The following SCN10A variants were observed in gnomAD, a reference collection of about 807,000 sequenced individuals.
The protein encoded by SCN10A is sodium channel protein type 10 subunit alpha.
Under a neutral mutation model 170.7 loss-of-function variants are expected in SCN10A, and 162 were observed. The observed-to-expected ratio is 0.95, with a 90% confidence interval of 0.84 to 1.08. The LOEUF (loss-of-function observed/expected upper bound fraction) is 1.08. SCN10A is among the 50% of genes least tolerant of loss of function. SCN10A has a pLI of 0.00. For missense variants in SCN10A, 2,527 were observed against 2,436.9 expected (o/e 1.04, Z -0.78); for synonymous variants, 985 against 904.6 (o/e 1.09, Z -1.59).
At chr3:38,716,926 T>C (rs1346314405) in intron 21 of SCN10A, among the ~76,000 whole-genome samples, 13 of 151,752 alleles carry the variant, frequency 8.6e-5, no homozygotes, top group Admixed American at 7.9e-4. Flanking sequence ...AACAGATAAG[T>C]GGAAGAAAGG....
chr3:38,780,671 T>C (rs1163651538), intron 4 of SCN10A, among the ~76,000 whole-genome samples: 1 of 152,144 alleles, frequency 6.6e-6, no homozygotes, highest in Non-Finnish European at 1.5e-5. Flanking sequence ...TAATGACTTA[T>C]TACTTGCTGT....
intron 3 of SCN10A, among the ~76,000 whole-genome samples, chr3:38,790,798 A>G (rs887948790): frequency 6.6e-6 from 1 of 152,106 alleles, no homozygotes; most frequent in Non-Finnish European, 1.5e-5. Context: ...GGTAATCTCT[A>G]CTTCAGAGGC....
At chr3:38,723,194 A>C (rs1340850779) in intron 19 of SCN10A, among the ~76,000 whole-genome samples, 1 of 152,132 alleles carries the variant, frequency 6.6e-6, no homozygotes, top group African/African-American at 2.4e-5. Flanking sequence ...TTTGAGGGTA[A>C]AGAGGAAGGC....
chr3:38,740,900 G>A (rs1031790492), intron 14 of SCN10A, among the ~76,000 whole-genome samples: 1 of 152,042 alleles, frequency 6.6e-6, no homozygotes, highest in Admixed American at 6.6e-5. Context: ...ATTCCATAAG[G>A]CCCTCTGTGG....
At chr3:38,740,970 T>C (rs1448286596) in intron 14 of SCN10A, among the ~76,000 whole-genome samples, 1 of 152,108 alleles carries the variant, frequency 6.6e-6, no homozygotes, top group African/African-American at 2.4e-5. Flanking sequence ...CCTTTTCATA[T>C]CAACTTTAGG....
At chr3:38,746,767 C>G (rs2063695042) in intron 13 of SCN10A, among the ~76,000 whole-genome samples, 1 of 152,180 alleles carries the variant, frequency 6.6e-6, no homozygotes, top group Admixed American at 6.5e-5. Flanking sequence ...GCAAATCTTA[C>G]CATATTTCAC....
intron 26 of SCN10A, 49 bp from the exon 27 acceptor site, chr3:38,702,158 C>T (rs1341392403): frequency 4.0e-6 from 6 of 1,512,524 alleles, no homozygotes; most frequent in East Asian, 4.6e-5. Context: ...CCAGCACAAA[C>T]CAGGCATCTG....
chr3:38,793,798 T>C lies in SCN10A; in HGVS notation c.213A>G (p.Pro71=), dbSNP rs533136525. Residue 71 remains proline (P), a synonymous_variant, in exon 2 of 28, where the codon CCA becomes CCG. Transcript: ENST00000449082. The stretch of plus-strand genomic sequence containing the variant: ...CCAGGGGCTCCCCGATCAGTTCTGC[T>C]GGGAGCTCACCATAGAACTTGGGCA... ...NQLPKFYGEL[P]AELIGEPLED... 22 of 1,613,940 alleles carry C rather than the reference T, an allele frequency of 1.4e-5. No homozygotes were observed. The South Asian group carries it at 1.6e-4, about 12-fold the overall frequency.
chr3:38,698,283 G>T lies in SCN10A; in HGVS notation c.4937C>A (p.Thr1646Asn), dbSNP rs2063118515. The T allele has an allele frequency of 1.9e-6, 3 of 1,614,152 alleles. No individual in the cohort carries two copies. Among genetic ancestry groups the T allele is most frequent in the Non-Finnish European group, 2.5e-6 (3 of 1,180,034 alleles). ...AGIDDMFNFQ[T>N]FANSMLCLFQ... ...GAGGCACAGCATGCTGTTGGCGAAG[G>T]TCTGGAAGTTGAACATGTCGTCGAT... The change falls in exon 28 of 28, where the codon ACC becomes AAC. Residue 1646 changes from threonine (T) to asparagine (N), a missense_variant. Thr to Asn is a moderately conservative substitution (Grantham distance 65). Coordinates refer to ENST00000449082, the MANE Select transcript of SCN10A (RefSeq NM_006514.4).
chr3:38,725,810 A>G (rs2126000434), intron 17 of SCN10A, among the ~76,000 whole-genome samples: 1 of 152,380 alleles, frequency 6.6e-6, no homozygotes, highest in East Asian at 1.9e-4. Context: ...CACAGAGTTC[A>G]TGCTCTCTGC....
At chr3:38,715,119 A>G (rs530805325) in intron 21 of SCN10A, among the ~76,000 whole-genome samples, 19 of 152,336 alleles carry the variant, frequency 1.2e-4, no homozygotes, top group Admixed American at 9.8e-4. Flanking sequence ...AAGGCTCCAG[A>G]CATCAGCAGG....
intron 16 of SCN10A, 139 bp from the exon 17 acceptor site, chr3:38,727,191 G>T: frequency 1.4e-6 from 1 of 740,168 alleles, no homozygotes; most frequent in South Asian, 1.8e-5. Flanking sequence ...TCCCTTTTGG[G>T]GGAATGGACT....
At chr3:38,729,859 C>T (rs752793643) in intron 15 of SCN10A, among the ~76,000 whole-genome samples, 1 of 152,112 alleles carries the variant, frequency 6.6e-6, no homozygotes, top group Non-Finnish European at 1.5e-5. Context: ...CACCCATATC[C>T]GTGAGTAAAT....
chr3:38,729,039 C>G (rs1443469046), intron 15 of SCN10A, 138 bp from the exon 16 acceptor site: 3 of 1,001,230 alleles, frequency 3.0e-6, no homozygotes, highest in Non-Finnish European at 4.3e-6. Flanking sequence ...CTGGACACTG[C>G]TTTTGGAGAC....
At chr3:38,795,898 G>A (rs887210486) in intron 1 of SCN10A, among the ~76,000 whole-genome samples, 2 of 152,068 alleles carry the variant, frequency 1.3e-5, no homozygotes, top group East Asian at 3.8e-4. Flanking sequence ...AGATACCAGA[G>A]CAGCAAAGTT....
chr3:38,814,647 T>C (rs2064460877), intron 1 of SCN10A, among the ~76,000 whole-genome samples: 1 of 152,250 alleles, frequency 6.6e-6, no homozygotes, highest in Admixed American at 6.5e-5. Flanking sequence ...CTTGTAGGTA[T>C]GTGCTCTTTC....
At chr3:38,788,417 G>A (rs1209379068) in intron 4 of SCN10A, among the ~76,000 whole-genome samples, 1 of 152,072 alleles carries the variant, frequency 6.6e-6, no homozygotes, top group Non-Finnish European at 1.5e-5. Flanking sequence ...GAATACTAAG[G>A]TTACTTTGAG....
At chr3:38,713,156 G>A (rs6775197) in intron 22 of SCN10A, among the ~76,000 whole-genome samples, 13,764 of 152,188 alleles carry the variant, frequency 0.09, 1,483 homozygotes, top group African/African-American at 0.25. Context: ...CTGTCCTGAC[G>A]GAGGCAGTTA....
chr3:38,725,261 G>A lies in SCN10A; in HGVS notation c.3141C>T (p.Ser1047=). The A allele has an allele frequency of 6.2e-7, 1 of 1,603,134 alleles. No homozygotes were observed. Among genetic ancestry groups the A allele is most frequent in the Non-Finnish European group, 8.5e-7 (1 of 1,171,996 alleles). Residue 1047 remains serine (S), a synonymous_variant, in exon 18 of 28, where the codon AGC becomes AGT. Coordinates refer to ENST00000449082, the MANE Select transcript of SCN10A (RefSeq NM_006514.4). ...CCTCAGAAGATGTTCCAGTGCCTGG[G>A]CTCCTGGGTGTCAGGTGGTCCCCAC... ...ERCGDHLTPR[S]PGTGTSSEDL...
Sources: allele counts gnomAD v4.1 joint callset (sites outside exome capture counted in the v4.1 genomes callset), GRCh38; gene constraint gnomAD v4.1.1; transcripts MANE v1.5; gene names NCBI Gene and HGNC (gene_info 2026-07-23, HGNC 2026-07-21).